The following ACLY variants were observed in gnomAD, a reference collection of about 807,000 sequenced individuals.
ACLY encodes the protein ATP-citrate synthase.
ACLY carries 41 observed loss-of-function variants against 133.0 expected under a neutral mutation model. The ratio of observed to expected loss-of-function variants is 0.31; its 90% CI spans 0.24 to 0.40. The LOEUF is 0.40. Ranked by LOEUF, ACLY falls within the 10% of genes least tolerant of loss-of-function variation. The pLI, the probability that ACLY is intolerant of heterozygous loss-of-function variation, is 1.00. For missense variants in ACLY, 1,046 were observed against 1,453.8 expected, an observed-to-expected ratio of 0.72 and a Z score of 4.56; for synonymous variants, 495 against 549.3, an observed-to-expected ratio of 0.90 and a Z score of 1.38.
rs1197383128 is a variant in ACLY at position 41,883,010 on chromosome 17, C to T, written c.2265+112G>A. 9.2e-6 allele frequency: 8 copies of T among 867,342 alleles called. 1 individual carries two copies. Among genetic ancestry groups the T allele is most frequent in the South Asian group, 1.7e-5 (1 of 57,176 alleles). The allele number at this position is 867,342 out of a possible 1,614,324, so 53.7% of individuals were successfully genotyped here. ...TTGTAGTAACCAAGCAAGTAACAAA[C>T]GTTTCTTGAAGGAACTAGCTGCGAA... On this transcript the variant is annotated intron_variant, in intron 20 of 28. Transcript: ENST00000352035.
At chr17:41,925,530 G>A (rs1417206107) in intron 1 of ACLY, among the ~76,000 whole-genome samples, 2 of 151,616 alleles carry the variant, frequency 1.3e-5, no homozygotes, top group Non-Finnish European at 2.9e-5. Context: ...AGGATTGCTT[G>A]AGCCCAGGAG....
At chr17:41,880,373 A>C (rs2048881640) in intron 20 of ACLY, among the ~76,000 whole-genome samples, 1 of 152,216 alleles carries the variant, frequency 6.6e-6, no homozygotes, top group Non-Finnish European at 1.5e-5. Context: ...GCTGCTCTGT[A>C]AGCAAAGGTT....
At chr17:41,926,471 G>A (rs1436558503) in intron 1 of ACLY, among the ~76,000 whole-genome samples, 1 of 152,126 alleles carries the variant, frequency 6.6e-6, no homozygotes, top group Non-Finnish European at 1.5e-5. Context: ...CATTATGATT[G>A]GTATTTTATG....
At chr17:41,920,185 G>T (rs1418738546), upstream of ACLY, among the ~76,000 whole-genome samples, 1 of 152,216 alleles carries the variant, frequency 6.6e-6, no homozygotes, top group Non-Finnish European at 1.5e-5. Flanking sequence ...CAGGAGTAAG[G>T]TAACTGAACT....
At chr17:41,887,233 G>A (rs1597995043) in intron 17 of ACLY, among the ~76,000 whole-genome samples, 3 of 151,420 alleles carry the variant, frequency 2.0e-5, no homozygotes, top group African/African-American at 7.3e-5. Flanking sequence ...GATGTCAGGA[G>A]TTCGAGACCA....
At chr17:41,887,336 G>A (rs1431435933) in intron 17 of ACLY, among the ~76,000 whole-genome samples, 1 of 151,926 alleles carries the variant, frequency 6.6e-6, no homozygotes, top group Non-Finnish European at 1.5e-5. Flanking sequence ...CTACTTGGGA[G>A]GCTGAGACAG....
chr17:41,896,658 GA>G lies in ACLY; in HGVS notation c.1430-10del. On this transcript the variant is annotated splice_polypyrimidine_tract_variant and intron_variant, in intron 13 of 28. Coordinates refer to ENST00000352035, the MANE Select transcript of ACLY (RefSeq NM_001096.3). The stretch of plus-strand genomic sequence containing the variant: ...TGGACTTGGGACTGAATCTGTCAAA[GA>G]AAATGACCAAGGCAACTGAGTGACC... 1.9e-6 allele frequency: 3 copies of G among 1,573,216 alleles called. No individual in the cohort carries two copies. The highest frequency in any genetic ancestry group is 1.8e-5 in the Admixed American group (1 of 55,390).
rs1555625056 is a variant in ACLY, at chr17:41,871,669, T to C, written c.2937+20A>G. 1 of 1,613,876 alleles carries C rather than the reference T, an allele frequency of 6.2e-7. No homozygotes were observed. Among genetic ancestry groups the C allele is most frequent in the Non-Finnish European group, 8.5e-7 (1 of 1,179,968 alleles). ...CGCGCCTGGCCTCCATCCCACTTTT[T>C]TAGGAGAGTAACAACTCACCGACTT... On this transcript the variant is annotated intron_variant, in intron 25 of 28. Coordinates refer to ENST00000352035, the MANE Select transcript of ACLY (RefSeq NM_001096.3).
At chr17:41,885,853 C>T (rs1462763741) in intron 18 of ACLY, among the ~76,000 whole-genome samples, 1 of 152,210 alleles carries the variant, frequency 6.6e-6, no homozygotes, top group Non-Finnish European at 1.5e-5. Flanking sequence ...TGCTGCCTCC[C>T]TATGGCCAAT....
intron 22 of ACLY, among the ~76,000 whole-genome samples, chr17:41,875,471 A>G (rs1170496419): frequency 7.3e-6 from 1 of 137,820 alleles, no homozygotes; most frequent in East Asian, 2.1e-4. Flanking sequence ...CCCTCTCCCC[A>G]CGGTCTCCCT....
chr17:41,867,191 A>G lies in ACLY; in HGVS notation c.*619T>C, dbSNP rs1485493289. On this transcript the variant is annotated 3_prime_UTR_variant, in exon 29 of 29. Transcript: ENST00000352035. ...TTACTACTCCACATATTTTGTGACA[A>G]TGGCTAAGGATGCAATGGCCCCATC... is the stretch of plus-strand genomic sequence containing the variant. 6.6e-6 allele frequency: 1 copy of G among 152,660 alleles called. No homozygotes were observed. The highest frequency in any genetic ancestry group is 2.4e-5 in the African/African-American group (1 of 41,464). The allele number at this position is 152,660 out of a possible 1,614,324, so 9.5% of individuals were successfully genotyped here. A position where few individuals can be genotyped will look rare whatever the true frequency, so the allele number is the denominator to read the frequency against.
At chr17:41,889,388 A>G (rs1008134526) in intron 16 of ACLY, among the ~76,000 whole-genome samples, 2 of 150,358 alleles carry the variant, frequency 1.3e-5, no homozygotes, top group Non-Finnish European at 3.0e-5. Context: ...GCGTGGTGGC[A>G]GGCGCCTGTA....
intron 20 of ACLY, among the ~76,000 whole-genome samples, chr17:41,881,084 G>A (rs1372100599): frequency 6.6e-6 from 1 of 151,782 alleles, no homozygotes; most frequent in Non-Finnish European, 1.5e-5. Context: ...TGGCTGTTGG[G>A]CGAGTACAGA....
chr17:41,868,621 AAAAAG>A, intron 28 of ACLY, 83 bp downstream of exon 28: 1 of 796,054 alleles, frequency 1.3e-6, no homozygotes, highest in Admixed American at 3.0e-5. Context: ...AAAAAGAAAG[AAAAAG>A]AAACTCAACC....
intron 10 of ACLY, chr17:41,904,404 A>C: frequency 3.8e-6 from 1 of 260,430 alleles, no homozygotes; most frequent in Non-Finnish European, 7.4e-6. Context: ...AGAGAAGGGA[A>C]GGAAAGAAAG....
chr17:41,880,108 G>A (rs371047957), intron 20 of ACLY, among the ~76,000 whole-genome samples: 2 of 152,176 alleles, frequency 1.3e-5, no homozygotes, highest in African/African-American at 4.8e-5. Flanking sequence ...AGGATGGGGT[G>A]CAGAGAGTAA....
chr17:41,877,803 T>C (rs1260828166), intron 22 of ACLY, among the ~76,000 whole-genome samples: 1 of 152,182 alleles, frequency 6.6e-6, no homozygotes, highest in Non-Finnish European at 1.5e-5. Flanking sequence ...TCTCCTGTGC[T>C]GGATGCTTCC....
upstream of ACLY, among the ~76,000 whole-genome samples, chr17:41,923,943 TG>T (rs1437196571): frequency 1.7e-4 from 26 of 152,152 alleles, no homozygotes; most frequent in African/African-American, 5.8e-4. Context: ...CCTGAGTAGC[TG>T]GGATTACAGG....
chr17:41,869,108 C>A lies in ACLY; in HGVS notation c.3069G>T (p.Leu1023=). The part of the protein sequence containing the change: ...ITTSKKPNLI[L]NVDGLIGVAF... ...CGACTCCGATGAGACCATCTACATT[C>A]AGGATAAGATTTGGCTTCTGGGAAG... Residue 1023 remains leucine (L), a synonymous_variant, in exon 27 of 29, where the codon CTG becomes CTT. Transcript: ENST00000352035. The A allele has an allele frequency of 6.2e-7, 1 of 1,613,654 alleles. No individual in the cohort carries two copies.
Sources: allele counts gnomAD v4.1 joint callset (sites outside exome capture counted in the v4.1 genomes callset), GRCh38; gene constraint gnomAD v4.1.1; transcripts MANE v1.5; gene names NCBI Gene and HGNC (gene_info 2026-07-23, HGNC 2026-07-21).